SERPINB8: variants seen among roughly 807,000 people sequenced by gnomAD.
SERPINB8 encodes serpin B8.
In SERPINB8, 25 loss-of-function variants were observed where a neutral mutation model predicts 35.3. That is an observed-to-expected ratio of 0.71 (90% CI 0.52 to 0.99). The LOEUF is 0.99. Ranked by LOEUF, SERPINB8 falls within the 50% of genes least tolerant of loss-of-function variation. The pLI is 0.00. For synonymous variants in SERPINB8, 186 were observed against 160.8 expected (o/e 1.16, Z -1.19); for missense variants, 484 against 446.5 (o/e 1.08, Z -0.76).
chr18:63,975,988 C>T (rs1476033501), intron 1 of SERPINB8, among the ~76,000 whole-genome samples: 1 of 152,200 alleles, frequency 6.6e-6, no homozygotes, highest in Admixed American at 6.5e-5. Context: ...CTGGATGAGG[C>T]TCCATCTGTT....
chr18:64,004,995 G>A, exon 2 of SERPINB8: 1 of 396,102 alleles, frequency 2.5e-6, no homozygotes, highest in Non-Finnish European at 4.5e-6. Flanking sequence ...AAGTGCCACA[G>A]GAGGATGTGT....
intron 1 of SERPINB8, among the ~76,000 whole-genome samples, chr18:63,996,941 G>C (rs2050852509): frequency 6.6e-6 from 1 of 152,202 alleles, no homozygotes; most frequent in African/African-American, 2.4e-5. Context: ...ACTAGAAAAG[G>C]CTGCTATGTT....
At chr18:64,013,416 C>A (rs1017384112) in intron 7 of SERPINB8, among the ~76,000 whole-genome samples, 1 of 152,164 alleles carries the variant, frequency 6.6e-6, no homozygotes, top group Admixed American at 6.6e-5. Flanking sequence ...TCCTATCTCT[C>A]CAATTTTCTT....
downstream of SERPINB8, among the ~76,000 whole-genome samples, chr18:64,008,245 AC>A (rs748577957): frequency 6.6e-5 from 10 of 151,986 alleles, no homozygotes; most frequent in South Asian, 4.2e-4. Flanking sequence ...GATTTCCAGT[AC>A]CTTTTTATTT....
Position 63,995,292 on chromosome 18 carries a change from G to C in SERPINB8, c.71-9527G>C, listed in dbSNP as rs143957217. Among the ~76,000 whole-genome samples the C allele has an allele frequency of 5.8e-3, 876 of 152,304 alleles. 2 individuals are homozygous for C. The highest frequency in any genetic ancestry group is 0.01 in the Middle Eastern group (3 of 294). On this transcript the variant is annotated intron_variant, in intron 1 of 1. Coordinates refer to the SERPINB8 transcript ENST00000493661. ...TTAGGCTGAGGTCCCTCTGTCCCCA[G>C]GGATGACTAGAAGCCCTAGCCAATG...
chr18:63,970,629 G>C (rs973234491), intron 1 of SERPINB8: 2 of 152,560 alleles, frequency 1.3e-5, no homozygotes, highest in Non-Finnish European at 2.9e-5. Flanking sequence ...AGGAGCCGCC[G>C]CTGCGGAGGA....
chr18:63,974,620 C>T (rs1366378811), intron 1 of SERPINB8, among the ~76,000 whole-genome samples: 2 of 152,182 alleles, frequency 1.3e-5, no homozygotes, highest in African/African-American at 4.8e-5. Flanking sequence ...GTTTTTATAA[C>T]ACAATCTAAT....
chr18:64,010,284 A>G (rs1004245581), downstream of SERPINB8, among the ~76,000 whole-genome samples: 5 of 152,180 alleles, frequency 3.3e-5, no homozygotes, highest in African/African-American at 9.6e-5. Context: ...GCAAACATCA[A>G]TAACAGTCCT....
At chr18:63,997,228 G>A (rs77666572) in intron 1 of SERPINB8, among the ~76,000 whole-genome samples, 3 of 152,210 alleles carry the variant, frequency 2.0e-5, no homozygotes, top group Non-Finnish European at 2.9e-5. Flanking sequence ...GCATGAGTAC[G>A]TGACTCACGG....
chr18:64,018,823 G>A (rs2050962406), intron 7 of SERPINB8: 1 of 152,150 alleles, frequency 6.6e-6, no homozygotes, highest in Non-Finnish European at 1.5e-5. Flanking sequence ...TTCTTGCTAA[G>A]ATCATCAGAA....
At chr18:63,985,424 A>C (rs7240800) in intron 6 of SERPINB8, among the ~76,000 whole-genome samples, 179 bp downstream of exon 6, 1 of 152,206 alleles carries the variant, frequency 6.6e-6, no homozygotes, top group African/African-American at 2.4e-5. Flanking sequence ...GAGTGTATAC[A>C]TATATGAGTG....
At position 63,973,015 on chromosome 18, in the gene SERPINB8, G is replaced by A. The variant is rs144221169; in HGVS notation, c.-11+2845G>A. Reference sequence around the variant, plus strand: ...CTTTGGGTGTATACCCAGTAATGGGGTGGCTGGGTCAAATGGTATTTCTAG... The same window carrying A: ...CTTTGGGTGTATACCCAGTAATGGGATGGCTGGGTCAAATGGTATTTCTAG... On this transcript the variant is annotated intron_variant, in intron 1 of 6. Coordinates refer to ENST00000397985, the MANE Select transcript of SERPINB8 (RefSeq NM_002640.4). Among the ~76,000 whole-genome samples the A allele has an allele frequency of 8.6e-3, 1,305 of 152,322 alleles. 17 individuals carry two copies. Among genetic ancestry groups the A allele is most frequent in the African/African-American group, 0.03 (1,255 of 41,568 alleles).
intron 1 of SERPINB8, among the ~76,000 whole-genome samples, chr18:63,971,864 C>A (rs1395203139): frequency 6.6e-6 from 1 of 152,146 alleles, no homozygotes; most frequent in Non-Finnish European, 1.5e-5. Flanking sequence ...ACCATAGAAA[C>A]CCACCCCAGG....
intron 4 of SERPINB8, 65 bp from the exon 5 acceptor site, chr18:63,983,514 A>C (rs2144812934): frequency 6.5e-7 from 1 of 1,528,528 alleles, no homozygotes; most frequent in East Asian, 2.3e-5. Context: ...TATGTGTCAA[A>C]GGGATTTTTG....
At chr18:63,993,662 A>G (rs145868574), downstream of SERPINB8, among the ~76,000 whole-genome samples, 871 of 152,324 alleles carry the variant, frequency 5.7e-3, 2 homozygotes, top group Middle Eastern at 0.01. Context: ...GACATGTCCA[A>G]CTATAATTGT....
intron 1 of SERPINB8, among the ~76,000 whole-genome samples, chr18:63,999,618 A>C (rs2050865263): frequency 6.6e-6 from 1 of 152,306 alleles, no homozygotes; most frequent in South Asian, 2.1e-4. Flanking sequence ...ACCTTATGGT[A>C]GTCAATGACT....
chr18:63,986,999 C>A lies in SERPINB8; in HGVS notation c.846C>A (p.Phe282Leu), dbSNP rs1479823636. 9 of 1,614,204 alleles carry A rather than the reference C, an allele frequency of 5.6e-6. No homozygotes were observed. Among genetic ancestry groups the A allele is most frequent in the Non-Finnish European group, 7.6e-6 (9 of 1,180,032 alleles). ...AGGAGAGTTATGACTTGGAGCCTTTCCTTCGAAGATTAGGAATGATCGATG... is the reference window on the plus strand; with the variant it reads ...AGGAGAGTTATGACTTGGAGCCTTTACTTCGAAGATTAGGAATGATCGATG... The part of the protein sequence containing the change: ...KLEESYDLEP[F>L]LRRLGMIDAF... The change falls in exon 7 of 7, where the codon TTC becomes TTA. Residue 282 changes from phenylalanine (F) to leucine (L), a missense_variant. Physicochemically the swap from Phe to Leu is conservative, Grantham distance 22. Transcript: ENST00000397985.
intron 1 of SERPINB8, among the ~76,000 whole-genome samples, chr18:63,974,949 G>T (rs1450208176): frequency 2.0e-5 from 3 of 152,090 alleles, no homozygotes; most frequent in African/African-American, 7.2e-5. Context: ...AATGGAAGTG[G>T]GGACATGAGA....
chr18:64,007,132 A>C (rs1211381553), downstream of SERPINB8, among the ~76,000 whole-genome samples: 1 of 152,142 alleles, frequency 6.6e-6, no homozygotes, highest in African/African-American at 2.4e-5. Flanking sequence ...AGTAAAAATG[A>C]AAAAGGAGAC....
Sources: gnomAD v4.1 joint callset for allele counts (sites outside exome capture counted in the v4.1 genomes callset) on GRCh38, gnomAD v4.1.1 for gene constraint, MANE v1.5 for transcripts, NCBI Gene and HGNC (gene_info 2026-07-23, HGNC 2026-07-21) for gene names.